The following TOM1L2 variants were observed in gnomAD, a reference collection of about 807,000 sequenced individuals.
TOM1L2 encodes target of myb1 like 2 membrane trafficking protein.
In TOM1L2, 31 loss-of-function variants were observed where a neutral mutation model predicts 67.9. The ratio of observed to expected loss-of-function variants is 0.46; its 90% CI spans 0.34 to 0.62. The LOEUF is 0.62. TOM1L2 is among the 20% of genes least tolerant of loss of function. The pLI, the probability that TOM1L2 is intolerant of heterozygous loss-of-function variation, is 0.01. For synonymous variants in TOM1L2, 256 were observed against 254.0 expected, an observed-to-expected ratio of 1.01 and a Z score of -0.07; for missense variants, 606 against 663.5, an observed-to-expected ratio of 0.91 and a Z score of 0.95.
intron 1 of TOM1L2, among the ~76,000 whole-genome samples, chr17:17,913,017 C>CCA (rs2039462334): frequency 1.3e-5 from 2 of 152,126 alleles, no homozygotes; most frequent in South Asian, 4.1e-4. Flanking sequence ...AACCCCGTCT[C>CCA]CACCAAAAAA....
At chr17:17,851,118 C>T in intron 12 of TOM1L2, 166 bp from the exon 13 acceptor site, 1 of 674,128 alleles carries the variant, frequency 1.5e-6, no homozygotes. Flanking sequence ...CACAGGGCAG[C>T]CACGTGTGAG....
At chr17:17,915,278 A>T (rs956921624) in intron 1 of TOM1L2, among the ~76,000 whole-genome samples, 4 of 152,200 alleles carry the variant, frequency 2.6e-5, no homozygotes, top group African/African-American at 7.2e-5. Flanking sequence ...CTTTGCTAGC[A>T]GGTGAGACTA....
At chr17:17,939,356 T>C (rs570845956) in intron 1 of TOM1L2, among the ~76,000 whole-genome samples, 41 of 152,366 alleles carry the variant, frequency 2.7e-4, no homozygotes, top group Middle Eastern at 3.4e-3. Flanking sequence ...TGATAGACCT[T>C]AGCAGATTCT....
intron 1 of TOM1L2, among the ~76,000 whole-genome samples, chr17:17,943,354 G>A (rs1415309200): frequency 6.6e-6 from 1 of 152,196 alleles, no homozygotes; most frequent in East Asian, 1.9e-4. Context: ...GGAAGGCAAA[G>A]CAGTCTCTAT....
intron 11 of TOM1L2, chr17:17,862,342 G>A (rs1230520153): frequency 2.5e-5 from 4 of 162,204 alleles, no homozygotes; most frequent in Non-Finnish European, 5.3e-5. Context: ...GGAAAATCTC[G>A]CTGTAAGGAA....
chr17:17,891,869 C>T (rs545321338), intron 4 of TOM1L2, among the ~76,000 whole-genome samples: 8 of 151,292 alleles, frequency 5.3e-5, no homozygotes, highest in South Asian at 2.1e-4. Context: ...AGAACAGGGA[C>T]GAGGGACAAC....
intron 1 of TOM1L2, among the ~76,000 whole-genome samples, chr17:17,942,482 T>C (rs950746740): frequency 2.0e-5 from 3 of 152,206 alleles, no homozygotes; most frequent in African/African-American, 7.2e-5. Flanking sequence ...CAGAAAATCA[T>C]ATCAATTTAA....
At chr17:17,922,760 C>G (rs2039928451) in intron 1 of TOM1L2, among the ~76,000 whole-genome samples, 1 of 152,120 alleles carries the variant, frequency 6.6e-6, no homozygotes, top group Non-Finnish European at 1.5e-5. Context: ...AAATATGAAC[C>G]ACAATTCTTA....
In TOM1L2 at chr17:17,847,283, G is replaced by A. The variant is rs746522840; in HGVS notation, c.*352C>T. ...AGGTGAGCACAGGGCGGGGCCGGGCGTGCTCTTTCTCCATGGGCGGGTGGA... is the reference window on the plus strand; with the variant it reads ...AGGTGAGCACAGGGCGGGGCCGGGCATGCTCTTTCTCCATGGGCGGGTGGA... On this transcript the variant is annotated 3_prime_UTR_variant, in exon 15 of 15. Coordinates refer to ENST00000379504, the MANE Select transcript of TOM1L2 (RefSeq NM_001082968.2). 6.0e-5 allele frequency: 18 copies of A among 299,686 alleles called. No homozygotes were observed. Among genetic ancestry groups the A allele is most frequent in the African/African-American group, 1.8e-4 (8 of 45,348 alleles). The allele number at this position is 299,686 out of a possible 1,614,324, so 18.6% of individuals were successfully genotyped here. A position where few individuals can be genotyped will look rare whatever the true frequency, so the allele number is the denominator to read the frequency against.
At chr17:17,936,185 CAG>C (rs1288157963) in intron 1 of TOM1L2, among the ~76,000 whole-genome samples, 1 of 152,236 alleles carries the variant, frequency 6.6e-6, no homozygotes, top group African/African-American at 2.4e-5. Context: ...GTGTGCCCTT[CAG>C]CAGCTCTGGG....
intron 2 of TOM1L2, among the ~76,000 whole-genome samples, chr17:17,905,785 A>G (rs981200027): frequency 2.6e-5 from 4 of 152,038 alleles, no homozygotes; most frequent in Admixed American, 2.6e-4. Flanking sequence ...TCTCTTTCCA[A>G]TAAGAGTGGG....
intron 12 of TOM1L2, among the ~76,000 whole-genome samples, chr17:17,852,926 C>A (rs965178265): frequency 1.2e-4 from 17 of 147,274 alleles, no homozygotes; most frequent in Non-Finnish European, 2.1e-4. Context: ...GGAGTCTTAT[C>A]ACCCAGACAT....
At chr17:17,956,082 A>C (rs776443509) in intron 1 of TOM1L2, among the ~76,000 whole-genome samples, 6 of 152,244 alleles carry the variant, frequency 3.9e-5, no homozygotes, top group Non-Finnish European at 5.9e-5. Context: ...TTCAAAGAGC[A>C]AAAGAACAAA....
At chr17:17,961,209 A>C (rs1370759099) in intron 1 of TOM1L2, among the ~76,000 whole-genome samples, 1 of 152,164 alleles carries the variant, frequency 6.6e-6, no homozygotes, top group African/African-American at 2.4e-5. Flanking sequence ...AGAAAATGCA[A>C]ATCAAAACCA....
chr17:17,921,764 T>A (rs1029599972), intron 1 of TOM1L2, among the ~76,000 whole-genome samples: 1 of 66,290 alleles, frequency 1.5e-5, no homozygotes. Flanking sequence ...GGTGGGGGGG[T>A]GGGATTCACC....
At chr17:17,851,046 C>G in intron 12 of TOM1L2, 94 bp from the exon 13 acceptor site, 2 of 1,358,184 alleles carry the variant, frequency 1.5e-6, no homozygotes, top group South Asian at 1.2e-5. Flanking sequence ...AACAGCAACC[C>G]CAAATAAAAC....
intron 5 of TOM1L2, 88 bp from the exon 6 acceptor site, chr17:17,882,951 C>T: frequency 1.3e-6 from 2 of 1,504,380 alleles, no homozygotes; most frequent in South Asian, 1.2e-5. Flanking sequence ...CAGCACTTCC[C>T]CAAGGCTGCC....
At chr17:17,948,873 C>A (rs2041065291) in intron 1 of TOM1L2, among the ~76,000 whole-genome samples, 1 of 152,132 alleles carries the variant, frequency 6.6e-6, no homozygotes, top group African/African-American at 2.4e-5. Context: ...GGATCAAAGA[C>A]CCCCATGATC....
intron 10 of TOM1L2, 145 bp from the exon 11 acceptor site, chr17:17,862,993 GCACCA>G: frequency 1.5e-6 from 1 of 660,734 alleles, no homozygotes; most frequent in South Asian, 1.8e-5. Flanking sequence ...TACTCCCAGT[GCACCA>G]CATGCCGGAG....
Sources: gnomAD v4.1 joint callset for allele counts (sites outside exome capture counted in the v4.1 genomes callset) on GRCh38, gnomAD v4.1.1 for gene constraint, MANE v1.5 for transcripts, NCBI Gene and HGNC (gene_info 2026-07-23, HGNC 2026-07-21) for gene names.